MOB1B: variants seen among roughly 807,000 people sequenced by gnomAD.
MOB1B encodes MOB kinase activator 1B.
Under a neutral mutation model 24.4 loss-of-function variants are expected in MOB1B, and 19 were observed. The observed-to-expected ratio is 0.78, with a 90% CI of 0.54 to 1.14. The LOEUF (loss-of-function observed/expected upper bound fraction) is 1.14. Among genes scored for constraint, MOB1B ranks in the 50% most tolerant of loss-of-function variants. MOB1B has a pLI of 0.00. For synonymous variants in MOB1B, 76 were observed against 82.1 expected (o/e 0.93, Z 0.40); for missense variants, 243 against 259.6 (o/e 0.94, Z 0.44).
At chr4:70,906,802 T>C (rs911136463) in intron 1 of MOB1B, among the ~76,000 whole-genome samples, 3 of 152,150 alleles carry the variant, frequency 2.0e-5, no homozygotes, top group African/African-American at 7.2e-5. Flanking sequence ...GGGACCTCAT[T>C]TAATTTTGTG....
chr4:70,954,942 C>T (rs1047050410), intron 1 of MOB1B, among the ~76,000 whole-genome samples: 2 of 151,808 alleles, frequency 1.3e-5, no homozygotes, highest in Admixed American at 6.6e-5. Flanking sequence ...CACGCCATGA[C>T]ACCCAGCTAA....
chr4:70,967,517 T>C (rs1017098149), intron 2 of MOB1B, among the ~76,000 whole-genome samples: 2 of 152,236 alleles, frequency 1.3e-5, no homozygotes, highest in Admixed American at 1.3e-4. Flanking sequence ...GAATTATTCT[T>C]TTCATTTATA....
Position 70,987,813 on chromosome 4 carries a change from A to G in MOB1B, c.*5756A>G, listed in dbSNP as rs1560674225. On this transcript the variant is annotated 3_prime_UTR_variant, in exon 6 of 6. Coordinates refer to ENST00000309395, the MANE Select transcript of MOB1B (RefSeq NM_173468.4). ...ACTGTGCAAGTATTGAGAAGAGTGCATAAAGACAGGGAACTACTCTCATGG... is the reference window on the plus strand; with the variant it reads ...ACTGTGCAAGTATTGAGAAGAGTGCGTAAAGACAGGGAACTACTCTCATGG... The G allele has an allele frequency of 6.6e-6, 1 of 152,650 alleles. No homozygotes were observed. Among genetic ancestry groups the G allele is most frequent in the Non-Finnish European group, 1.5e-5 (1 of 68,020 alleles). The allele number at this position is 152,650 out of a possible 1,614,324, so 9.5% of individuals were successfully genotyped here.
chr4:70,979,038 T>C (rs1739103670), intron 4 of MOB1B, 90 bp from the exon 5 acceptor site: 8 of 1,026,260 alleles, frequency 7.8e-6, no homozygotes, highest in Non-Finnish European at 1.2e-5. Context: ...TTCAGCCTTG[T>C]CTTGGTAATT....
rs1356953100 is a variant in MOB1B, at chr4:70,982,617, AT to A, written c.*563del. The A allele has an allele frequency of 3.3e-5, 5 of 152,598 alleles. No homozygotes were observed. Among genetic ancestry groups the A allele is most frequent in the African/African-American group, 1.2e-4 (5 of 41,444 alleles). The allele number at this position is 152,598 out of a possible 1,614,324, so 9.5% of individuals were successfully genotyped here. A position where few individuals can be genotyped will look rare whatever the true frequency, so the allele number is the denominator to read the frequency against. On this transcript the variant is annotated 3_prime_UTR_variant, in exon 6 of 6. Transcript: ENST00000309395. ...GCCTTTACTGCTTTGAAGAAACAGAATTTGTAAAGGTATGCATGTAGAACAT... is the reference window on the plus strand; with the variant it reads ...GCCTTTACTGCTTTGAAGAAACAGAATTGTAAAGGTATGCATGTAGAACAT...
rs114775654 is a variant in MOB1B at position 70,903,198 on chromosome 4, C to T, written c.14+648C>T. Among the ~76,000 whole-genome samples, 733 of 152,322 alleles carry T rather than the reference C, an allele frequency of 4.8e-3. 4 individuals carry two copies. The highest frequency in any genetic ancestry group is 6.8e-3 in the Middle Eastern group (2 of 294). ...TAGAGGCGCCCTTCCTCCCAGAGGACTTCCCTGAAGAGGATGAGTTTTATC... is the reference window on the plus strand; with the variant it reads ...TAGAGGCGCCCTTCCTCCCAGAGGATTTCCCTGAAGAGGATGAGTTTTATC... On this transcript the variant is annotated intron_variant, in intron 1 of 5. Coordinates refer to ENST00000309395, the MANE Select transcript of MOB1B (RefSeq NM_173468.4).
rs1378957647 is a variant in MOB1B, at chr4:70,966,087, A to G, written c.182-3844A>G. ...AAAATATTAGTTTTATGAGTTCTAC[A>G]TGAACATTAGAAGAAAGGGAACTAG... On this transcript the variant is annotated intron_variant, in intron 2 of 5. Coordinates refer to ENST00000309395, the MANE Select transcript of MOB1B (RefSeq NM_173468.4). 2.6e-5 allele frequency among the ~76,000 whole-genome samples: 4 copies of G among 152,206 alleles called. No individual in the cohort carries two copies. In the East Asian group the frequency reaches 5.8e-4, roughly 22 times the overall value.
intron 1 of MOB1B, among the ~76,000 whole-genome samples, chr4:70,922,876 C>T (rs915610917): frequency 4.6e-5 from 7 of 152,070 alleles, no homozygotes; most frequent in Admixed American, 6.6e-5. Flanking sequence ...CACACACAAA[C>T]GAAGATCCAA....
At chr4:70,969,541 A>G (rs1738671032) in intron 2 of MOB1B, among the ~76,000 whole-genome samples, 1 of 152,178 alleles carries the variant, frequency 6.6e-6, no homozygotes, top group Admixed American at 6.5e-5. Context: ...TTGTAGTTCC[A>G]TGATTACCAA....
chr4:70,918,687 T>C (rs959293273), intron 1 of MOB1B, among the ~76,000 whole-genome samples: 1 of 152,176 alleles, frequency 6.6e-6, no homozygotes, highest in Non-Finnish European at 1.5e-5. Context: ...CAGAAGCTCT[T>C]TAGTTTAATT....
At chr4:70,920,158 TAA>T (rs1293185259) in intron 1 of MOB1B, among the ~76,000 whole-genome samples, 1 of 152,218 alleles carries the variant, frequency 6.6e-6, no homozygotes, top group Non-Finnish European at 1.5e-5. Context: ...ATGAACTAGA[TAA>T]AAGACATTAC....
chr4:70,910,516 T>C (rs972911266), intron 1 of MOB1B, among the ~76,000 whole-genome samples: 2 of 151,876 alleles, frequency 1.3e-5, no homozygotes, highest in Non-Finnish European at 2.9e-5. Context: ...GGCCTTGTTA[T>C]TAAGGGAAGT....
At chr4:70,943,307 C>A (rs1737424171) in intron 1 of MOB1B, among the ~76,000 whole-genome samples, 1 of 152,126 alleles carries the variant, frequency 6.6e-6, no homozygotes, top group South Asian at 2.1e-4. Flanking sequence ...GCACTTGGTG[C>A]TAGTTTTGCC....
chr4:70,987,558 G>C lies in MOB1B; in HGVS notation c.*5501G>C, dbSNP rs1038953169. On this transcript the variant is annotated 3_prime_UTR_variant, in exon 6 of 6. Coordinates refer to ENST00000309395, the MANE Select transcript of MOB1B (RefSeq NM_173468.4). ...TGTACATGCATAACCAGGGTGGTGAGGGCACTAATCTTGTAGGAAACACTT... is the reference window on the plus strand; with the variant it reads ...TGTACATGCATAACCAGGGTGGTGACGGCACTAATCTTGTAGGAAACACTT... 2.6e-5 allele frequency: 4 copies of C among 151,982 alleles called. No individual in the cohort carries two copies. The highest frequency in any genetic ancestry group is 9.7e-5 in the African/African-American group (4 of 41,372). 9.4% of individuals were successfully genotyped at this position (151,982 alleles called of 1,614,324 possible).
chr4:70,911,475 A>C (rs1249805198), intron 1 of MOB1B, among the ~76,000 whole-genome samples: 2 of 151,802 alleles, frequency 1.3e-5, no homozygotes, highest in Non-Finnish European at 2.9e-5. Context: ...GAATGTGGGG[A>C]GTGGAAGTAA....
intron 1 of MOB1B, among the ~76,000 whole-genome samples, chr4:70,911,685 GAT>G (rs893599070): frequency 6.6e-6 from 1 of 151,988 alleles, no homozygotes; most frequent in Non-Finnish European, 1.5e-5. Flanking sequence ...CGGAGTTTCT[GAT>G]ATATGAAAGC....
At chr4:70,948,217 C>T (rs1268800883) in intron 1 of MOB1B, among the ~76,000 whole-genome samples, 1 of 152,146 alleles carries the variant, frequency 6.6e-6, no homozygotes, top group African/African-American at 2.4e-5. Flanking sequence ...AATTGCCTTT[C>T]CTCTTTTGTC....
intron 4 of MOB1B, among the ~76,000 whole-genome samples, chr4:70,977,325 G>T (rs1322306688): frequency 6.6e-6 from 1 of 151,992 alleles, no homozygotes; most frequent in Non-Finnish European, 1.5e-5. Context: ...TTTATAGATT[G>T]TCTTTTCACT....
intron 1 of MOB1B, among the ~76,000 whole-genome samples, chr4:70,934,968 G>T (rs1274114803): frequency 1.3e-5 from 2 of 151,408 alleles, no homozygotes; most frequent in African/African-American, 4.9e-5. Flanking sequence ...TTAGAGACAG[G>T]GTCTCTCTCT....
Sources: allele counts gnomAD v4.1 joint callset (sites outside exome capture counted in the v4.1 genomes callset), GRCh38; gene constraint gnomAD v4.1.1; transcripts MANE v1.5; gene names NCBI Gene and HGNC (gene_info 2026-07-23, HGNC 2026-07-21).